The following CHN1 variants were observed in gnomAD, a reference collection of about 807,000 sequenced individuals.
CHN1 encodes N-chimaerin.
A neutral mutation model predicts 59.5 loss-of-function variants in CHN1; 37 were observed. The ratio of observed to expected loss-of-function variants is 0.62; its 90% CI spans 0.48 to 0.82. The LOEUF is 0.82. Ranked by LOEUF, CHN1 falls within the 40% of genes least tolerant of loss-of-function variation. The probability of loss-of-function intolerance (pLI) is 0.00; values close to 1 mark genes in which losing one functional copy is unlikely to be tolerated. For synonymous variants in CHN1, 206 were observed against 200.4 expected, an observed-to-expected ratio of 1.03 and a Z score of -0.24; for missense variants, 469 against 571.0, an observed-to-expected ratio of 0.82 and a Z score of 1.82.
intron 1 of CHN1, among the ~76,000 whole-genome samples, chr2:174,997,177 C>A (rs1000987936): frequency 6.6e-6 from 1 of 152,186 alleles, no homozygotes. Flanking sequence ...GGAAAAGCCT[C>A]AAAGCTACTC....
Position 175,005,102 on chromosome 2 carries a change from G to A in CHN1, c.-190C>T. On this transcript the variant is annotated 5_prime_UTR_variant, in exon 1 of 13. Coordinates refer to ENST00000409900, the MANE Select transcript of CHN1 (RefSeq NM_001822.7). ...ACCGCTGCAAGAAAAAGTTATTCAC[G>A]CGTTATTGTCGGGCGCACCGGGCCC... The A allele has an allele frequency of 7.5e-7, 1 of 1,331,380 alleles. No homozygotes were observed. Among genetic ancestry groups the A allele is most frequent in the African/African-American group, 1.6e-5 (1 of 64,368 alleles). The allele number at this position is 1,331,380 out of a possible 1,614,324, so 82.5% of individuals were successfully genotyped here.
chr2:174,834,814 TA>T (rs1353534552), intron 7 of CHN1, among the ~76,000 whole-genome samples: 1 of 152,246 alleles, frequency 6.6e-6, no homozygotes, highest in Non-Finnish European at 1.5e-5. Flanking sequence ...TATATTCTTT[TA>T]AACAAATGTG....
intron 1 of CHN1, among the ~76,000 whole-genome samples, chr2:174,992,771 A>G (rs1691583377): frequency 6.6e-6 from 1 of 152,012 alleles, no homozygotes; most frequent in South Asian, 2.1e-4. Context: ...AAGTCAGTTG[A>G]GAGAGAATCC....
At chr2:174,973,507 A>G (rs1690824775) in intron 1 of CHN1, among the ~76,000 whole-genome samples, 1 of 152,236 alleles carries the variant, frequency 6.6e-6, no homozygotes, top group South Asian at 2.1e-4. Flanking sequence ...TTTTCTATGC[A>G]CAAGCAAAAC....
intron 1 of CHN1, among the ~76,000 whole-genome samples, chr2:174,967,602 G>T (rs190831730): frequency 6.6e-6 from 1 of 151,956 alleles, no homozygotes; most frequent in African/African-American, 2.4e-5. Context: ...GTAACCATAC[G>T]AACACTCTTT....
At chr2:174,934,302 A>G (rs752097562) in intron 3 of CHN1, among the ~76,000 whole-genome samples, 1 of 152,208 alleles carries the variant, frequency 6.6e-6, no homozygotes, top group African/African-American at 2.4e-5. Context: ...AGATTTTCAT[A>G]AGAAGTGCAC....
At chr2:174,963,877 G>A (rs929290023) in intron 1 of CHN1, among the ~76,000 whole-genome samples, 4 of 152,156 alleles carry the variant, frequency 2.6e-5, no homozygotes, top group African/African-American at 9.7e-5. Flanking sequence ...AGCAAGGCCT[G>A]GGAAAGGGGA....
intron 3 of CHN1, among the ~76,000 whole-genome samples, chr2:174,930,198 G>C (rs1689293727): frequency 6.6e-6 from 1 of 152,192 alleles, no homozygotes; most frequent in South Asian, 2.1e-4. Flanking sequence ...CTTTCTAGGA[G>C]AGCCCTGACC....
At chr2:174,865,246 A>T (rs930061450) in intron 6 of CHN1, among the ~76,000 whole-genome samples, 14 of 152,314 alleles carry the variant, frequency 9.2e-5, no homozygotes, top group African/African-American at 3.1e-4. Context: ...GCCCATCTGA[A>T]CCATGCTTCA....
At chr2:174,951,145 A>C (rs902066539) in intron 2 of CHN1, among the ~76,000 whole-genome samples, 5 of 152,236 alleles carry the variant, frequency 3.3e-5, no homozygotes, top group African/African-American at 1.2e-4. Flanking sequence ...GAGGTAAAGA[A>C]TATTAGTCAT....
At chr2:174,940,932 A>C (rs576090802) in intron 3 of CHN1, among the ~76,000 whole-genome samples, 6 of 152,232 alleles carry the variant, frequency 3.9e-5, no homozygotes, top group African/African-American at 1.2e-4. Flanking sequence ...TGATTTTGTA[A>C]TTTTATATTT....
intron 6 of CHN1, among the ~76,000 whole-genome samples, chr2:174,862,550 C>T (rs1244204495): frequency 6.6e-6 from 1 of 152,132 alleles, no homozygotes; most frequent in Non-Finnish European, 1.5e-5. Context: ...TCAGGATGGT[C>T]TCAATCTCCT....
At chr2:174,902,109 C>T (rs1404408976) in intron 5 of CHN1, among the ~76,000 whole-genome samples, 2 of 152,040 alleles carry the variant, frequency 1.3e-5, no homozygotes, top group African/African-American at 4.8e-5. Flanking sequence ...GTGCTTTTTG[C>T]CTTTGTGTTT....
intron 12 of CHN1, 56 bp from the exon 13 acceptor site, chr2:174,800,343 T>C: frequency 7.7e-7 from 1 of 1,301,628 alleles, no homozygotes; most frequent in Non-Finnish European, 1.0e-6. Flanking sequence ...TGTTCTTCAT[T>C]GTGCTTGAAC....
chr2:174,874,916 C>G (rs2105469966), intron 6 of CHN1, among the ~76,000 whole-genome samples: 1 of 148,588 alleles, frequency 6.7e-6, no homozygotes, highest in African/African-American at 2.5e-5. Flanking sequence ...TCTTGTTGCC[C>G]AGGCTGGTGT....
intron 3 of CHN1, among the ~76,000 whole-genome samples, chr2:174,937,101 A>G (rs538707601): frequency 5.8e-4 from 89 of 152,324 alleles, no homozygotes; most frequent in African/African-American, 2.1e-3. Flanking sequence ...TGCATTTTAG[A>G]GTTCTGCCAC....
intron 7 of CHN1, among the ~76,000 whole-genome samples, chr2:174,845,309 A>G (rs1336138662): frequency 6.6e-6 from 1 of 152,190 alleles, no homozygotes; most frequent in African/African-American, 2.4e-5. Flanking sequence ...AACAGTGTAC[A>G]TACAATTTCC....
chr2:174,900,644 A>G (rs895371765), intron 5 of CHN1, among the ~76,000 whole-genome samples: 2 of 152,130 alleles, frequency 1.3e-5, no homozygotes, highest in African/African-American at 4.8e-5. Flanking sequence ...CGTCTCTACT[A>G]AAAATACAAA....
intron 1 of CHN1, among the ~76,000 whole-genome samples, chr2:174,998,794 TA>T (rs1027625554): frequency 2.6e-5 from 4 of 151,720 alleles, no homozygotes; most frequent in African/African-American, 4.8e-5. Flanking sequence ...GGAAGAAAAG[TA>T]AAAAAAAATC....
Sources: gnomAD v4.1 joint callset for allele counts (sites outside exome capture counted in the v4.1 genomes callset) on GRCh38, gnomAD v4.1.1 for gene constraint, MANE v1.5 for transcripts, NCBI Gene and HGNC (gene_info 2026-07-23, HGNC 2026-07-21) for gene names.